The following YTHDC1 variants were observed in gnomAD, a reference collection of about 807,000 sequenced individuals.
YTHDC1 encodes the protein YTH N6-methyladenosine RNA binding protein C1.
In YTHDC1, 12 loss-of-function variants were observed where a neutral mutation model predicts 107.0. That is an observed-to-expected ratio of 0.11 (90% confidence interval 0.07 to 0.18). The LOEUF (loss-of-function observed/expected upper bound fraction) is 0.18. Among genes scored for constraint, YTHDC1 ranks in the 10% least tolerant of loss-of-function variants. The pLI, the probability that YTHDC1 is intolerant of heterozygous loss-of-function variation, is 1.00. For synonymous variants in YTHDC1, 280 were observed against 289.5 expected (o/e 0.97, Z 0.33); for missense variants, 635 against 898.8 (o/e 0.71, Z 3.75).
At chr4:68,326,892 T>C (rs1241355641) in intron 9 of YTHDC1, among the ~76,000 whole-genome samples, 3 of 150,850 alleles carry the variant, frequency 2.0e-5, no homozygotes, top group Non-Finnish European at 4.4e-5. Context: ...CGCCCAGCCA[T>C]GCAGAGGCTC....
chr4:68,346,568 C>G (rs949728244), intron 1 of YTHDC1, among the ~76,000 whole-genome samples: 1 of 152,070 alleles, frequency 6.6e-6, no homozygotes, highest in Non-Finnish European at 1.5e-5. Flanking sequence ...ACGCACTGTC[C>G]CACTCTGTCC....
chr4:68,314,092 A>G lies in YTHDC1; in HGVS notation c.*7T>C. ...ATCTTTAAACAATCAGTGCTTCCAA[A>G]AGCCCATTATCTTCTATATCGACCT... On this transcript the variant is annotated 3_prime_UTR_variant, in exon 17 of 17. Transcript: ENST00000344157. 6.2e-7 allele frequency: 1 copy of G among 1,612,816 alleles called. No homozygotes were observed. Among genetic ancestry groups the G allele is most frequent in the Non-Finnish European group, 8.5e-7 (1 of 1,179,550 alleles).
intron 1 of YTHDC1, among the ~76,000 whole-genome samples, chr4:68,348,472 C>T (rs1377889248): frequency 2.0e-5 from 2 of 98,272 alleles, no homozygotes; most frequent in Non-Finnish European, 4.0e-5. Context: ...TTCTGGATTT[C>T]TCAAAAAAAA....
chr4:68,316,239 C>T (rs758103591), intron 16 of YTHDC1, 75 bp downstream of exon 16: 2 of 1,470,440 alleles, frequency 1.4e-6, no homozygotes, highest in African/African-American at 2.8e-5. Flanking sequence ...TCATCATACT[C>T]TGGTCTCCCC....
At chr4:68,324,033 C>T (rs997833665) in intron 10 of YTHDC1, 106 bp downstream of exon 10, 3 of 945,208 alleles carry the variant, frequency 3.2e-6, no homozygotes, top group Admixed American at 5.0e-5. Flanking sequence ...TTCAAATTCT[C>T]ACGTGGTCTC....
chr4:68,343,484 G>A (rs1725075699), intron 1 of YTHDC1, among the ~76,000 whole-genome samples: 2 of 145,180 alleles, frequency 1.4e-5, no homozygotes, highest in Admixed American at 1.4e-4. Flanking sequence ...TTATAGGCAT[G>A]AGCCACCGTG....
rs1420367159 is a variant in YTHDC1, at chr4:68,322,124, T to C, written c.1601+625A>G. On this transcript the variant is annotated intron_variant, in intron 11 of 16. Transcript: ENST00000344157. This position sits in a 1 kb window ranked among gnomAD's most constrained non-coding sequence, Gnocchi z 4.8. ...TTGATCCCCTTTGGAAAGAACCTAT[T>C]GTTTTCAGAAGCTCAGCAAGATGTG... Among the ~76,000 whole-genome samples the C allele has an allele frequency of 6.6e-6, 1 of 152,206 alleles. No individual in the cohort carries two copies. Among genetic ancestry groups the C allele is most frequent in the Non-Finnish European group, 1.5e-5 (1 of 68,040 alleles).
rs1038586954 is a variant in YTHDC1 at position 68,311,469 on chromosome 4, T to A, written c.*2630A>T. The A allele has an allele frequency of 1.3e-5, 2 of 152,188 alleles. No homozygotes were observed. Among genetic ancestry groups the A allele is most frequent in the Non-Finnish European group, 2.9e-5 (2 of 68,028 alleles). The allele number at this position is 152,188 out of a possible 1,614,324, so 9.4% of individuals were successfully genotyped here. A position where few individuals can be genotyped will look rare whatever the true frequency, so the allele number is the denominator to read the frequency against. ...TTTTCATCTGAACACATCATACTAATGTAGATTGTTAGAATCACAGCACAG... is the reference window on the plus strand; with the variant it reads ...TTTTCATCTGAACACATCATACTAAAGTAGATTGTTAGAATCACAGCACAG... On this transcript the variant is annotated 3_prime_UTR_variant, in exon 17 of 17. Transcript: ENST00000344157.
At chr4:68,343,524 TA>T (rs10657692) in intron 1 of YTHDC1, among the ~76,000 whole-genome samples, 4,286 of 121,008 alleles carry the variant, frequency 0.035, 256 homozygotes, top group African/African-American at 0.12. Flanking sequence ...TTAAAATCTT[TA>T]AAAAAAAAAA....
chr4:68,323,988 TCA>T (rs1242472267), intron 10 of YTHDC1, 149 bp downstream of exon 10: 25 of 633,386 alleles, frequency 3.9e-5, no homozygotes, highest in Non-Finnish European at 6.7e-5. Context: ...TTAGTCTCAA[TCA>T]CAGTTATTAT....
chr4:68,349,089 C>T (rs1725773400), intron 1 of YTHDC1, among the ~76,000 whole-genome samples: 2 of 152,182 alleles, frequency 1.3e-5, no homozygotes, highest in Admixed American at 6.5e-5. Context: ...GTTTTTCTAA[C>T]ATAATAGCAC....
intron 4 of YTHDC1, among the ~76,000 whole-genome samples, chr4:68,335,695 A>G (rs539524787): frequency 1.3e-5 from 2 of 152,228 alleles, no homozygotes; most frequent in East Asian, 3.9e-4. Context: ...CTCCACAATA[A>G]ATGAACATTC....
intron 15 of YTHDC1, 97 bp from the exon 16 acceptor site, chr4:68,316,545 G>A (rs1721878075): frequency 1.4e-6 from 2 of 1,428,994 alleles, no homozygotes; most frequent in East Asian, 2.3e-5. Flanking sequence ...TCCCAAACAA[G>A]TGAATCTGTA....
Position 68,311,063 on chromosome 4 carries a change from G to A in YTHDC1, c.*3036C>T, listed in dbSNP as rs1487990372. On this transcript the variant is annotated 3_prime_UTR_variant, in exon 17 of 17. Transcript: ENST00000344157. Reference sequence around the variant, plus strand: ...TGTCCTTCCTGATGTAATCCTCACAGAGGTGACCATAACATGTGCCTCTCT... The same window carrying A: ...TGTCCTTCCTGATGTAATCCTCACAAAGGTGACCATAACATGTGCCTCTCT... The A allele has an allele frequency of 1.3e-5, 2 of 152,150 alleles. No homozygotes were observed. The highest frequency in any genetic ancestry group is 4.8e-5 in the African/African-American group (2 of 41,424). The allele number at this position is 152,150 out of a possible 1,614,324, so 9.4% of individuals were successfully genotyped here. A position where few individuals can be genotyped will look rare whatever the true frequency, so the allele number is the denominator to read the frequency against.
At chr4:68,340,194 G>A (rs1265609705) in intron 1 of YTHDC1, among the ~76,000 whole-genome samples, 1 of 152,078 alleles carries the variant, frequency 6.6e-6, no homozygotes, top group African/African-American at 2.4e-5. Context: ...AAGTGGGAAA[G>A]AAATCTGTGA....
chr4:68,347,370 T>C (rs998343325), intron 1 of YTHDC1, among the ~76,000 whole-genome samples: 6 of 152,212 alleles, frequency 3.9e-5, no homozygotes, highest in East Asian at 1.9e-4. Flanking sequence ...AACACCAACA[T>C]TGCAACACCT....
At chr4:68,330,745 T>G (rs1039365400) in intron 7 of YTHDC1, among the ~76,000 whole-genome samples, 4 of 152,132 alleles carry the variant, frequency 2.6e-5, no homozygotes, top group Admixed American at 6.6e-5. Flanking sequence ...GAATCTAGCA[T>G]TTTTCTATTT....
chr4:68,326,827 G>A (rs1325331730), intron 9 of YTHDC1, among the ~76,000 whole-genome samples: 2 of 151,738 alleles, frequency 1.3e-5, no homozygotes, highest in African/African-American at 4.8e-5. Context: ...CTGGCCTCAA[G>A]TGATGCACCC....
At position 68,327,643 on chromosome 4, in the gene YTHDC1, T is replaced by G. The variant is rs183362459; in HGVS notation, c.1349+2359A>C. ...AAAGGGTCCTTAAATATAAATCTAATAATTATTATATCTGCAAAAGAAAAA... is the reference window on the plus strand; with the variant it reads ...AAAGGGTCCTTAAATATAAATCTAAGAATTATTATATCTGCAAAAGAAAAA... On this transcript the variant is annotated intron_variant, in intron 9 of 16. Transcript: ENST00000344157. Among the ~76,000 whole-genome samples the G allele has an allele frequency of 3.9e-4, 59 of 152,326 alleles. 2 individuals carry two copies. Among genetic ancestry groups the G allele is most frequent in the Admixed American group, 3.8e-3 (58 of 15,306 alleles).
Sources: gnomAD v4.1 joint callset for allele counts (sites outside exome capture counted in the v4.1 genomes callset) on GRCh38, gnomAD v4.1.1 for gene constraint, Gnocchi (gnomAD v3.1) non-coding constraint, MANE v1.5 for transcripts, NCBI Gene and HGNC (gene_info 2026-07-23, HGNC 2026-07-21) for gene names.